Variants in HIVEP1 observed in about 807,000 individuals in gnomAD.
HIVEP1 encodes the protein zinc finger protein 40.
Under a neutral mutation model 180.0 loss-of-function variants are expected in HIVEP1, and 36 were observed. The observed-to-expected ratio is 0.20, with a 90% CI of 0.15 to 0.26. HIVEP1 has a LOEUF of 0.26. Ranked by LOEUF, HIVEP1 falls within the 10% of genes least tolerant of loss-of-function variation. The pLI is 1.00. For missense variants in HIVEP1, 3,143 were observed against 3,268.7 expected (o/e 0.96, Z 0.94); for synonymous variants, 1,239 against 1,239.0 (o/e 1.00, Z 0.00).
Position 12,164,192 on chromosome 6 carries a change from C to G in HIVEP1, c.7888C>G (p.Leu2630Val), listed in dbSNP as rs757953031. 6.2e-7 allele frequency: 1 copy of G among 1,614,068 alleles called. No individual in the cohort carries two copies. Among genetic ancestry groups the G allele is most frequent in the Non-Finnish European group, 8.5e-7 (1 of 1,180,044 alleles). Residue 2630 changes from leucine (L) to valine (V), a missense_variant, in exon 9 of 9, where the codon CTG becomes GTG. Leu to Val is a conservative substitution (Grantham distance 32). Transcript: ENST00000379388. ...AGGTGACCATGCAAGGCTTGATGGC[C>G]TGAGTAAAATGGACACAGAGAAGGC... ...PAGDHARLDG[L>V]SKMDTEKAAS...
chr6:12,208,495 C>T, the HIVEP1 span, among the ~76,000 whole-genome samples: 2 of 152,132 alleles, frequency 1.3e-5, no homozygotes, highest in African/African-American at 4.8e-5. Context: ...TATGAGCGGC[C>T]ACAGAAAAAG....
chr6:12,126,944 C>T (rs532842758), intron 4 of HIVEP1, among the ~76,000 whole-genome samples: 3 of 152,024 alleles, frequency 2.0e-5, no homozygotes, highest in Admixed American at 6.5e-5. Flanking sequence ...TTGCATCCTC[C>T]CCTCCCGGGT....
chr6:12,089,265 CT>C, intron 3 of HIVEP1, 28 bp downstream of exon 3: 1 of 1,380,650 alleles, frequency 7.2e-7, no homozygotes, highest in Non-Finnish European at 1.0e-6. Flanking sequence ...TGAATGTAAA[CT>C]TTATTCTTGC....
At chr6:12,109,430 T>G (rs1300260581) in intron 3 of HIVEP1, among the ~76,000 whole-genome samples, 1 of 152,244 alleles carries the variant, frequency 6.6e-6, no homozygotes, top group African/African-American at 2.4e-5. Context: ...CCTCTCAAAG[T>G]CTGCCACTGC....
At chr6:12,206,514 A>AGTT in the HIVEP1 span, among the ~76,000 whole-genome samples, 15 of 152,112 alleles carry the variant, frequency 9.9e-5, no homozygotes, top group Non-Finnish European at 2.1e-4. Flanking sequence ...TGAGGACTGG[A>AGTT]GTTATGTTGC....
chr6:12,070,486 G>A (rs951162520), intron 2 of HIVEP1, among the ~76,000 whole-genome samples: 4 of 152,072 alleles, frequency 2.6e-5, no homozygotes, highest in African/African-American at 7.2e-5. Flanking sequence ...TTAGGAGTTC[G>A]AGACCAGTGC....
the HIVEP1 span, among the ~76,000 whole-genome samples, chr6:12,194,582 CT>C: frequency 0.15 from 22,830 of 152,088 alleles, 2,042 homozygotes; most frequent in Middle Eastern, 0.23. Flanking sequence ...GGGTGGGTCA[CT>C]TTGAGGTCAG....
chr6:12,106,919 T>C (rs1017950336), intron 3 of HIVEP1, among the ~76,000 whole-genome samples: 4 of 152,238 alleles, frequency 2.6e-5, no homozygotes, highest in Non-Finnish European at 5.9e-5. Context: ...TGTGACTTTC[T>C]GTTTGACCCC....
chr6:12,150,051 A>T (rs1298639034), intron 7 of HIVEP1, among the ~76,000 whole-genome samples: 1 of 152,228 alleles, frequency 6.6e-6, no homozygotes, highest in Non-Finnish European at 1.5e-5. Flanking sequence ...AGCCATTAAA[A>T]TGTGGACATT....
At chr6:12,072,577 C>G (rs1263806407) in intron 2 of HIVEP1, among the ~76,000 whole-genome samples, 1 of 152,164 alleles carries the variant, frequency 6.6e-6, no homozygotes, top group African/African-American at 2.4e-5. Context: ...TTTTCCAGCT[C>G]TCTCTTCTGG....
chr6:12,173,209 C>T, the HIVEP1 span, among the ~76,000 whole-genome samples: 4 of 152,030 alleles, frequency 2.6e-5, no homozygotes, highest in Non-Finnish European at 5.9e-5. Context: ...AGTGGAGCAG[C>T]GATTCACATT....
rs1253550234 is a variant in HIVEP1, at chr6:12,120,610, A to G, written c.815A>G (p.Asn272Ser). 7 of 1,613,958 alleles carry G rather than the reference A, an allele frequency of 4.3e-6. No individual in the cohort carries two copies. In the Middle Eastern group the frequency reaches 4.9e-4, roughly 114 times the overall value. The stretch of plus-strand genomic sequence containing the variant: ...GTCCATATGTCTGCTGCTCAGAAGA[A>G]TGAGCAAGGGGCAATGCAGTCAGCT... ...YTVHMSAAQK[N>S]EQGAMQSASH... The change falls in exon 4 of 9, where the codon AAT becomes AGT. Residue 272 changes from asparagine (N) to serine (S), a missense_variant. Physicochemically the swap from Asn to Ser is conservative, Grantham distance 46. This residue lies in a region of HIVEP1 where 306 missense variants were observed against 310.6 expected (regional missense o/e 0.99). Coordinates refer to ENST00000379388, the MANE Select transcript of HIVEP1 (RefSeq NM_002114.4).
rs186961897 is a variant in HIVEP1, at chr6:12,031,478, C to T, written c.40+15810C>T. 5.8e-4 allele frequency among the ~76,000 whole-genome samples: 88 copies of T among 152,318 alleles called. No homozygotes were observed. In the East Asian group the frequency reaches 0.01, roughly 18 times the overall value. The stretch of plus-strand genomic sequence containing the variant: ...CCCTCAGCAGGACCTCAGCCTCAGG[C>T]GGACATTGCCATTGATTTTCTTGAG... On this transcript the variant is annotated intron_variant, in intron 2 of 8. Coordinates refer to ENST00000379388, the MANE Select transcript of HIVEP1 (RefSeq NM_002114.4).
At chr6:12,154,098 G>A (rs1379440009) in intron 7 of HIVEP1, among the ~76,000 whole-genome samples, 2 of 152,168 alleles carry the variant, frequency 1.3e-5, no homozygotes, top group African/African-American at 4.8e-5. Flanking sequence ...CAGTGTACAT[G>A]TGTATTCCAT....
Position 12,079,001 on chromosome 6 carries a change from C to T in HIVEP1, c.41-10183C>T, listed in dbSNP as rs902577083. Reference sequence around the variant, plus strand: ...GATTAGTAGCCCAAGTTCAGTGGACCCTGGCGTGTAGCCTCTCAGGGTGAG... The same window carrying T: ...GATTAGTAGCCCAAGTTCAGTGGACTCTGGCGTGTAGCCTCTCAGGGTGAG... On this transcript the variant is annotated intron_variant, in intron 2 of 8. Coordinates refer to ENST00000379388, the MANE Select transcript of HIVEP1 (RefSeq NM_002114.4). Among the ~76,000 whole-genome samples the T allele has an allele frequency of 2.0e-5, 3 of 151,998 alleles. No individual in the cohort carries two copies. In the East Asian group the frequency reaches 5.8e-4, roughly 29 times the overall value.
At chr6:12,098,262 A>T (rs1455729833) in intron 3 of HIVEP1, among the ~76,000 whole-genome samples, 1 of 152,192 alleles carries the variant, frequency 6.6e-6, no homozygotes, top group African/African-American at 2.4e-5. Context: ...GACAAGAAAG[A>T]TAAAGTATTT....
intron 2 of HIVEP1, among the ~76,000 whole-genome samples, chr6:12,015,898 C>G (rs1767709655): frequency 6.6e-6 from 1 of 152,110 alleles, no homozygotes. Flanking sequence ...GCATTCCTTC[C>G]AAACCATTAG....
intron 2 of HIVEP1, among the ~76,000 whole-genome samples, chr6:12,071,330 C>T (rs559928711): frequency 6.6e-6 from 1 of 152,322 alleles, no homozygotes; most frequent in Non-Finnish European, 1.5e-5. Context: ...TCCTGCCCCC[C>T]AGCCAGAGCC....
At chr6:12,028,451 G>C (rs1248198720) in intron 2 of HIVEP1, among the ~76,000 whole-genome samples, 1 of 152,246 alleles carries the variant, frequency 6.6e-6, no homozygotes, top group Non-Finnish European at 1.5e-5. Flanking sequence ...TGACTGCATA[G>C]CCAAGGGGTT....
Sources: allele counts gnomAD v4.1 joint callset (sites outside exome capture counted in the v4.1 genomes callset), GRCh38; gene constraint gnomAD v4.1.1; regional missense constraint gnomAD v4.1.1; transcripts MANE v1.5; gene names NCBI Gene and HGNC (gene_info 2026-07-23, HGNC 2026-07-21).